The following ZDHHC21 variants were observed in gnomAD, a reference collection of about 807,000 sequenced individuals.
ZDHHC21 encodes palmitoyltransferase ZDHHC21.
A neutral mutation model predicts 34.6 loss-of-function variants in ZDHHC21; 15 were observed. That is an observed-to-expected ratio of 0.43 (90% confidence interval 0.29 to 0.67). The LOEUF is 0.67. Among genes scored for constraint, ZDHHC21 ranks in the 30% least tolerant of loss-of-function variants. The pLI is 0.14. For synonymous variants in ZDHHC21, 142 were observed against 101.8 expected (o/e 1.40, Z -2.38); for missense variants, 344 against 327.7 (o/e 1.05, Z -0.38).
At chr9:14,686,631 G>C (rs575984547) in intron 2 of ZDHHC21, among the ~76,000 whole-genome samples, 1 of 152,122 alleles carries the variant, frequency 6.6e-6, no homozygotes, top group Non-Finnish European at 1.5e-5. Context: ...CTAATTTAAA[G>C]TGGGCTCCTT....
chr9:14,594,881 T>A, the ZDHHC21 span, among the ~76,000 whole-genome samples: 1 of 152,146 alleles, frequency 6.6e-6, no homozygotes, highest in East Asian at 1.9e-4. Context: ...AGACAGTTTA[T>A]CAGAGAAGAT....
intron 2 of ZDHHC21, among the ~76,000 whole-genome samples, chr9:14,684,689 T>C (rs1003523111): frequency 1.3e-5 from 2 of 151,722 alleles, no homozygotes; most frequent in Non-Finnish European, 2.9e-5. Flanking sequence ...CTTCACAGAA[T>C]TGGAAAAAAC....
intron 7 of ZDHHC21, among the ~76,000 whole-genome samples, chr9:14,653,121 G>C (rs910766961): frequency 1.3e-5 from 2 of 151,854 alleles, no homozygotes; most frequent in Non-Finnish European, 2.9e-5. Context: ...AGGGACCTTC[G>C]GGGATCTTAT....
intron 7 of ZDHHC21, among the ~76,000 whole-genome samples, chr9:14,648,287 T>C (rs1830622492): frequency 6.6e-6 from 1 of 151,044 alleles, no homozygotes; most frequent in South Asian, 2.1e-4. Flanking sequence ...CTTGCTATTA[T>C]CCTTGTCCTT....
At position 14,639,153 on chromosome 9, in the gene ZDHHC21, A is replaced by G. The variant is rs139779628; in HGVS notation, c.621+743T>C. ...TGAATTTTAAAAATCTGGTATATATACACAATGGAATAATACTATGAGCCA... is the reference window on the plus strand; with the variant it reads ...TGAATTTTAAAAATCTGGTATATATGCACAATGGAATAATACTATGAGCCA... On this transcript the variant is annotated intron_variant, in intron 8 of 9. Coordinates refer to ENST00000380916, the MANE Select transcript of ZDHHC21 (RefSeq NM_178566.6). Among the ~76,000 whole-genome samples the G allele has an allele frequency of 2.1e-4, 32 of 152,272 alleles. 1 individual carries two copies. The East Asian group carries it at 5.6e-3, about 27-fold the overall frequency.
At chr9:14,662,915 G>C (rs1423595398) in intron 5 of ZDHHC21, among the ~76,000 whole-genome samples, 2 of 152,132 alleles carry the variant, frequency 1.3e-5, no homozygotes, top group Admixed American at 6.6e-5. Context: ...ATATGGGTTT[G>C]GGAGGTATCA....
intron 7 of ZDHHC21, among the ~76,000 whole-genome samples, chr9:14,649,461 A>G (rs1018997699): frequency 1.3e-5 from 2 of 152,070 alleles, no homozygotes; most frequent in African/African-American, 2.4e-5. Context: ...TATGGGTATG[A>G]GCACTTTTTG....
At chr9:14,627,149 T>G (rs149480716) in intron 8 of ZDHHC21, among the ~76,000 whole-genome samples, 15 of 152,286 alleles carry the variant, frequency 9.8e-5, no homozygotes, top group African/African-American at 3.6e-4. Flanking sequence ...ATTAATCATT[T>G]GAGGACTACA....
intron 5 of ZDHHC21, among the ~76,000 whole-genome samples, 173 bp downstream of exon 5, chr9:14,672,657 G>T (rs1279415585): frequency 1.3e-5 from 2 of 152,012 alleles, no homozygotes; most frequent in Admixed American, 6.6e-5. Flanking sequence ...GGGGTGCAGG[G>T]GGAGCAGGGT....
chr9:14,599,757 G>A, the ZDHHC21 span, among the ~76,000 whole-genome samples: 4 of 152,032 alleles, frequency 2.6e-5, no homozygotes, highest in African/African-American at 9.7e-5. Flanking sequence ...GGATGCTCAA[G>A]CTTAGTGGGG....
chr9:14,601,443 G>A, the ZDHHC21 span, among the ~76,000 whole-genome samples: 2 of 137,606 alleles, frequency 1.5e-5, no homozygotes, highest in Non-Finnish European at 2.9e-5. Flanking sequence ...AAACAACAAT[G>A]AGATACCATC....
intron 7 of ZDHHC21, among the ~76,000 whole-genome samples, chr9:14,654,041 G>A (rs1831738156): frequency 1.3e-5 from 2 of 151,912 alleles, no homozygotes; most frequent in Admixed American, 6.6e-5. Flanking sequence ...GAAAGTACCT[G>A]TCAATTCACA....
chr9:14,605,152 T>C, the ZDHHC21 span, among the ~76,000 whole-genome samples: 4 of 152,226 alleles, frequency 2.6e-5, no homozygotes, highest in East Asian at 7.7e-4. Flanking sequence ...CTATTATGAA[T>C]ACTGCATTAA....
chr9:14,676,951 T>C (rs1448747175), intron 3 of ZDHHC21, among the ~76,000 whole-genome samples: 2 of 152,032 alleles, frequency 1.3e-5, no homozygotes, highest in Non-Finnish European at 2.9e-5. Context: ...AGAACATGAA[T>C]TTCACTAAGT....
intron 7 of ZDHHC21, among the ~76,000 whole-genome samples, chr9:14,641,179 A>G (rs899914001): frequency 5.3e-5 from 8 of 152,174 alleles, no homozygotes; most frequent in African/African-American, 1.9e-4. Flanking sequence ...TTCTGTGTGT[A>G]TTATATTGAG....
intron 4 of ZDHHC21, among the ~76,000 whole-genome samples, chr9:14,673,301 A>G (rs999781629): frequency 6.6e-6 from 1 of 152,052 alleles, no homozygotes; most frequent in Admixed American, 6.6e-5. Context: ...TTCTACAACT[A>G]AACTTTTTCA....
chr9:14,620,165 T>G (rs1456624260), intron 8 of ZDHHC21, among the ~76,000 whole-genome samples: 2 of 152,070 alleles, frequency 1.3e-5, no homozygotes, highest in African/African-American at 2.4e-5. Flanking sequence ...GAATTTGCCA[T>G]ATTACAACAT....
intron 8 of ZDHHC21, among the ~76,000 whole-genome samples, chr9:14,633,811 T>C (rs1287103015): frequency 6.6e-6 from 1 of 152,076 alleles, no homozygotes; most frequent in Non-Finnish European, 1.5e-5. Flanking sequence ...AAGCAAAGTG[T>C]GCAATCCCCA....
intron 3 of ZDHHC21, among the ~76,000 whole-genome samples, chr9:14,675,015 T>G (rs541800412): frequency 7.9e-5 from 12 of 152,084 alleles, no homozygotes; most frequent in African/African-American, 2.6e-4. Context: ...TTTAAGTATT[T>G]TGAAAAATGA....
Sources: gnomAD v4.1 joint callset for allele counts (sites outside exome capture counted in the v4.1 genomes callset) on GRCh38, gnomAD v4.1.1 for gene constraint, MANE v1.5 for transcripts, NCBI Gene and HGNC (gene_info 2026-07-23, HGNC 2026-07-21) for gene names.